Variants in HYAL4 observed in about 807,000 individuals in gnomAD.
The protein encoded by HYAL4 is hyaluronidase 4.
In HYAL4, 37 loss-of-function variants were observed where a neutral mutation model predicts 35.2. That is an observed-to-expected ratio of 1.05 (90% CI 0.81 to 1.38). The LOEUF (loss-of-function observed/expected upper bound fraction) is 1.38. Among genes scored for constraint, HYAL4 ranks in the 40% most tolerant of loss-of-function variants. The pLI, the probability that HYAL4 is intolerant of heterozygous loss-of-function variation, is 0.00. For missense variants in HYAL4, 572 were observed against 572.4 expected, an observed-to-expected ratio of 1.00 and a Z score of 0.01; for synonymous variants, 198 against 203.2, an observed-to-expected ratio of 0.97 and a Z score of 0.22.
chr7:123,869,468 C>T (rs1000008666), intron 3 of HYAL4, among the ~76,000 whole-genome samples: 1 of 152,098 alleles, frequency 6.6e-6, no homozygotes, highest in Non-Finnish European at 1.5e-5. Context: ...AAAGTAGATA[C>T]CAGCAACGAC....
At chr7:123,786,713 G>GCTATCTATCTATCTAT in the HYAL4 span, among the ~76,000 whole-genome samples, 314 of 148,462 alleles carry the variant, frequency 2.1e-3, 2 homozygotes, top group East Asian at 3.6e-3. Context: ...TGTATCACAT[G>GCTATCTATCTATCTAT]CTATCTATCT....
chr7:123,820,455 C>T, the HYAL4 span, among the ~76,000 whole-genome samples: 1 of 151,728 alleles, frequency 6.6e-6, no homozygotes, highest in Non-Finnish European at 1.5e-5. Context: ...TGGTGGTGCA[C>T]ACCTGTAATC....
chr7:123,805,355 C>G, the HYAL4 span, among the ~76,000 whole-genome samples: 1 of 151,998 alleles, frequency 6.6e-6, no homozygotes, highest in Non-Finnish European at 1.5e-5. Context: ...TTATTCTTTT[C>G]CTTTCCAATT....
chr7:123,789,588 T>C, the HYAL4 span, among the ~76,000 whole-genome samples: 1 of 152,198 alleles, frequency 6.6e-6, no homozygotes, highest in East Asian at 1.9e-4. Flanking sequence ...TGTTATTTGC[T>C]ACTTCATAAA....
At position 123,868,382 on chromosome 7, in the gene HYAL4, C is replaced by T. The variant is rs1205738853; in HGVS notation, c.109C>T (p.Pro37Ser). 9 of 1,612,560 alleles carry T rather than the reference C, an allele frequency of 5.6e-6. No individual in the cohort carries two copies. Among genetic ancestry groups the T allele is most frequent in the Admixed American group, 5.0e-5 (3 of 59,888 alleles). ...TCTAAAGTCTATCTCTTGTCTAAAA[C>T]CTGCTCGACTTCCAATTTATCAAAG... ...FILKSISCLK[P>S]ARLPIYQRKP... The change falls in exon 3 of 5, where the codon CCT (proline) becomes TCT (serine). Residue 37 changes from proline (P) to serine (S), a missense_variant. Physicochemically the swap from Pro to Ser is moderately conservative, Grantham distance 74. Transcript: ENST00000223026.
intron 2 of HYAL4, among the ~76,000 whole-genome samples, chr7:123,851,409 A>G (rs1424399904): frequency 6.6e-6 from 1 of 151,800 alleles, no homozygotes; most frequent in African/African-American, 2.4e-5. Flanking sequence ...CTGCCCCCTG[A>G]CAGCCCGTGT....
chr7:123,787,309 T>A, the HYAL4 span, among the ~76,000 whole-genome samples: 35 of 152,136 alleles, frequency 2.3e-4, no homozygotes, highest in South Asian at 6.2e-4. Flanking sequence ...TTTTACATTT[T>A]AAATTTTTTT....
chr7:123,816,322 C>T, the HYAL4 span, among the ~76,000 whole-genome samples: 2 of 152,154 alleles, frequency 1.3e-5, no homozygotes, highest in African/African-American at 2.4e-5. Flanking sequence ...GGCCTGCCTA[C>T]CAAAGTCTTC....
the HYAL4 span, among the ~76,000 whole-genome samples, chr7:123,800,605 T>A: frequency 6.6e-6 from 1 of 152,072 alleles, no homozygotes; most frequent in African/African-American, 2.4e-5. Flanking sequence ...CTTTAACAAT[T>A]CCATCTAGTG....
At chr7:123,789,194 T>A in the HYAL4 span, among the ~76,000 whole-genome samples, 1 of 152,118 alleles carries the variant, frequency 6.6e-6, no homozygotes, top group Non-Finnish European at 1.5e-5. Flanking sequence ...TTTCTAGAGG[T>A]GGAAACAACA....
In HYAL4 at chr7:123,877,326, G is replaced by T. The variant is rs1430761464; in HGVS notation, c.*171G>T. The T allele has an allele frequency of 7.7e-6, 5 of 651,482 alleles. No individual in the cohort carries two copies. Among genetic ancestry groups the T allele is most frequent in the South Asian group, 5.0e-5 (2 of 40,002 alleles). 40.4% of individuals were successfully genotyped at this position (651,482 alleles called of 1,614,324 possible). On this transcript the variant is annotated 3_prime_UTR_variant, in exon 5 of 5. Transcript: ENST00000223026. ...CATTATTTTATTTGCCTCCAGTCTG[G>T]CTAGGAAACCAGATCTGGGGTAAAG...
chr7:123,834,421 G>T (rs1321780232), intron 1 of HYAL4, among the ~76,000 whole-genome samples: 1 of 152,096 alleles, frequency 6.6e-6, no homozygotes. Context: ...CTACTGATTT[G>T]TGTACATTAA....
intron 2 of HYAL4, among the ~76,000 whole-genome samples, chr7:123,853,780 T>C (rs909520246): frequency 1.3e-5 from 2 of 152,192 alleles, no homozygotes; most frequent in African/African-American, 4.8e-5. Flanking sequence ...TTCTATGGTT[T>C]GGAATAATTT....
At chr7:123,804,068 T>C in the HYAL4 span, among the ~76,000 whole-genome samples, 1 of 152,196 alleles carries the variant, frequency 6.6e-6, no homozygotes, top group Non-Finnish European at 1.5e-5. Flanking sequence ...CACAATTTAC[T>C]CCCACAATAC....
Position 123,868,579 on chromosome 7 carries a change from A to G in HYAL4, c.306A>G (p.Thr102=), listed in dbSNP as rs1392941507. ...GATTGGGATACTATCCGTGGTATAC[A>G]TCACAAGGGGTCCCCATTAATGGAG... The part of the protein sequence containing the change: ...VNRLGYYPWY[T]SQGVPINGGL... Residue 102 remains threonine, a synonymous_variant, in exon 3 of 5, where the codon ACA becomes ACG. Transcript: ENST00000223026. The G allele has an allele frequency of 1.9e-6, 3 of 1,614,218 alleles. No homozygotes were observed. Among genetic ancestry groups the G allele is most frequent in the Non-Finnish European group, 2.5e-6 (3 of 1,180,034 alleles).
the HYAL4 span, among the ~76,000 whole-genome samples, chr7:123,779,050 T>C: frequency 6.6e-6 from 1 of 152,214 alleles, no homozygotes; most frequent in Non-Finnish European, 1.5e-5. Flanking sequence ...TAAATATATT[T>C]ACATACAAAT....
the HYAL4 span, among the ~76,000 whole-genome samples, chr7:123,787,054 C>T: frequency 1.4e-5 from 2 of 140,300 alleles, no homozygotes; most frequent in East Asian, 4.1e-4. Context: ...TTGCAGTGAG[C>T]TGAGATTGCA....
chr7:123,840,887 G>T (rs908702107), upstream of HYAL4, among the ~76,000 whole-genome samples: 1 of 151,996 alleles, frequency 6.6e-6, no homozygotes, highest in African/African-American at 2.4e-5. Flanking sequence ...GAGATTTTGG[G>T]CTGAGACGAT....
Position 123,868,906 on chromosome 7 carries a change from C to CA in HYAL4, c.636dup (p.Gly213ArgfsTer10). On this transcript the variant is annotated frameshift_variant, in exon 3 of 5. Transcript: ENST00000223026. LOFTEE classifies it high-confidence loss of function. ...TCAAATTGGGAATTAAGAGCCGACC[C>CA]AAAGGCCTTTGGGGTTATTATTTAT... 1 of 1,614,186 alleles carries CA rather than the reference C, an allele frequency of 6.2e-7. No homozygotes were observed. The highest frequency in any genetic ancestry group is 8.5e-7 in the Non-Finnish European group (1 of 1,180,026).
Sources: allele counts gnomAD v4.1 joint callset (sites outside exome capture counted in the v4.1 genomes callset), GRCh38; gene constraint gnomAD v4.1.1; transcripts MANE v1.5; gene names NCBI Gene and HGNC (gene_info 2026-07-23, HGNC 2026-07-21).